Variants in TMA16 observed in about 807,000 individuals in gnomAD.
The protein encoded by TMA16 is translation machinery-associated protein 16.
TMA16 carries 26 observed loss-of-function variants against 27.1 expected under a neutral mutation model. The ratio of observed to expected loss-of-function variants is 0.96; its 90% CI spans 0.70 to 1.33. TMA16 has a LOEUF of 1.33. Ranked by LOEUF, TMA16 falls within the 40% of genes most tolerant of loss-of-function variation. The pLI is 0.00. For missense variants in TMA16, 233 were observed against 241.4 expected (o/e 0.97, Z 0.23); for synonymous variants, 71 against 81.9 (o/e 0.87, Z 0.72).
At chr4:163,498,075 A>G (rs1375244568) in intron 1 of TMA16, among the ~76,000 whole-genome samples, 1 of 152,158 alleles carries the variant, frequency 6.6e-6, no homozygotes, top group Non-Finnish European at 1.5e-5. Context: ...ATGTAAGTAC[A>G]TATAGATCCA....
chr4:163,502,100 T>C (rs555498736), intron 1 of TMA16, among the ~76,000 whole-genome samples: 1 of 152,220 alleles, frequency 6.6e-6, no homozygotes, highest in South Asian at 2.1e-4. Flanking sequence ...GTGTAAAGAG[T>C]GGCAGTAGAG....
intron 1 of TMA16, among the ~76,000 whole-genome samples, chr4:163,497,399 T>C (rs976111032): frequency 1.3e-5 from 2 of 152,256 alleles, no homozygotes; most frequent in African/African-American, 4.8e-5. Context: ...TAGTTTCTTA[T>C]TAACTGCCAT....
Position 163,515,393 on chromosome 4 carries a change from G to C in TMA16, c.320G>C (p.Cys107Ser), listed in dbSNP as rs750443022. The change falls in exon 5 of 7, where the codon TGT (cysteine) becomes TCT (serine). Residue 107 changes from cysteine (C) to serine (S), a missense_variant. Physicochemically the swap from Cys to Ser is moderately radical, Grantham distance 112 (BLOSUM62 -1). Coordinates refer to ENST00000358572, the MANE Select transcript of TMA16 (RefSeq NM_018352.3). ...SIRDRQGRRH[C>S]SRETVIKQTM... The stretch of plus-strand genomic sequence containing the variant: ...AGGGACAGGCAGGGGAGGCGGCACT[G>C]TTCCCGGGAGACCGTCATCAAGCAG... The C allele has an allele frequency of 6.8e-6, 11 of 1,614,128 alleles. No homozygotes were observed. The South Asian group carries it at 9.9e-5, about 14-fold the overall frequency.
intron 4 of TMA16, among the ~76,000 whole-genome samples, chr4:163,514,948 A>G (rs545309057): frequency 6.6e-6 from 1 of 151,972 alleles, no homozygotes; most frequent in East Asian, 1.9e-4. Flanking sequence ...CGTCTGGACA[A>G]CTGTTTCCTG....
chr4:163,520,243 G>A lies in TMA16; in HGVS notation c.*729G>A, dbSNP rs1737951408. The A allele has an allele frequency of 8.3e-6, 2 of 242,222 alleles. No homozygotes were observed. Among genetic ancestry groups the A allele is most frequent in the African/African-American group, 2.2e-5 (1 of 44,652 alleles). The allele number at this position is 242,222 out of a possible 1,614,324, so 15.0% of individuals were successfully genotyped here. A position where few individuals can be genotyped will look rare whatever the true frequency, so the allele number is the denominator to read the frequency against. On this transcript the variant is annotated 3_prime_UTR_variant, in exon 7 of 7. Coordinates refer to ENST00000358572, the MANE Select transcript of TMA16 (RefSeq NM_018352.3). ...GAGAGAGTTGAAGATTAGGGAACCA[G>A]TGATTTTAATTATGCTACTTTTTCT...
In TMA16 at chr4:163,519,603, T is replaced by G; in HGVS notation, c.*89T>G. The G allele has an allele frequency of 2.4e-6, 3 of 1,254,502 alleles. No homozygotes were observed. The highest frequency in any genetic ancestry group is 3.2e-6 in the Non-Finnish European group (3 of 926,190). 77.7% of individuals were successfully genotyped at this position (1,254,502 alleles called of 1,614,324 possible). On this transcript the variant is annotated 3_prime_UTR_variant, in exon 7 of 7. Transcript: ENST00000358572. ...TACCTAATTGTCATGATACAAAAATTTGATACTGACATTCTCTTATATGAT... is the reference window on the plus strand; with the variant it reads ...TACCTAATTGTCATGATACAAAAATGTGATACTGACATTCTCTTATATGAT...
At chr4:163,498,086 C>G (rs1051127241) in intron 1 of TMA16, among the ~76,000 whole-genome samples, 1 of 152,104 alleles carries the variant, frequency 6.6e-6, no homozygotes, top group Admixed American at 6.6e-5. Context: ...TATAGATCCA[C>G]TTCTTGCTTT....
rs760713807 is a variant in TMA16 at position 163,494,764 on chromosome 4, A to C, written c.-38A>C. On this transcript the variant is annotated 5_prime_UTR_variant, in exon 1 of 7. Transcript: ENST00000358572. ...GCGGTTGGTGAGATTACCTGGGTCT[A>C]GAGTGCGGAGCTGCTCCGTGGCCAC... 32 of 1,612,952 alleles carry C rather than the reference A, an allele frequency of 2.0e-5. No homozygotes were observed. The highest frequency in any genetic ancestry group is 2.6e-5 in the Non-Finnish European group (31 of 1,180,004).
At chr4:163,504,995 A>T (rs967082859) in intron 1 of TMA16, among the ~76,000 whole-genome samples, 4 of 152,220 alleles carry the variant, frequency 2.6e-5, no homozygotes, top group African/African-American at 7.2e-5. Flanking sequence ...GAGAGGGGGA[A>T]AGATGGAAGC....
At chr4:163,512,108 A>G (rs1197979394) in intron 2 of TMA16, among the ~76,000 whole-genome samples, 4 of 151,618 alleles carry the variant, frequency 2.6e-5, no homozygotes, top group African/African-American at 9.7e-5. Context: ...CCTAAAACAT[A>G]TGGTAGGTGC....
intron 5 of TMA16, chr4:163,515,824 A>G (rs1737868141): frequency 6.1e-6 from 1 of 164,704 alleles, no homozygotes; most frequent in Admixed American, 6.0e-5. Flanking sequence ...CAGACTTGAC[A>G]TGTCATGAAA....
Position 163,514,105 on chromosome 4 carries a change from T to G in TMA16, c.186T>G (p.Leu62=), listed in dbSNP as rs1311401300. 1 of 1,610,504 alleles carries G rather than the reference T, an allele frequency of 6.2e-7. No individual in the cohort carries two copies. The highest frequency in any genetic ancestry group is 1.1e-5 in the South Asian group (1 of 90,480). The change falls in exon 4 of 7, where the codon CTT becomes CTG. Residue 62 remains leucine, a synonymous_variant. Transcript: ENST00000358572. ...AACTGCAATGGTTTCAAAATCATCTTGATCCCCAAAAAAAGAGATATTCAA... is the reference window on the plus strand; with the variant it reads ...AACTGCAATGGTTTCAAAATCATCTGGATCCCCAAAAAAAGAGATATTCAA... ...GEKLQWFQNH[L]DPQKKRYSKK... is the part of the protein sequence containing the mutation.
chr4:163,496,385 A>C (rs774015329), intron 1 of TMA16, among the ~76,000 whole-genome samples: 7 of 152,222 alleles, frequency 4.6e-5, no homozygotes, highest in Non-Finnish European at 8.8e-5. Context: ...AACTTTAGTT[A>C]TATAAATAGT....
At chr4:163,501,839 T>TA (rs1478074080) in intron 1 of TMA16, among the ~76,000 whole-genome samples, 5 of 152,328 alleles carry the variant, frequency 3.3e-5, no homozygotes, top group African/African-American at 1.2e-4. Flanking sequence ...TCTTGATTTT[T>TA]AGATCTCAGG....
intron 1 of TMA16, among the ~76,000 whole-genome samples, chr4:163,499,518 T>C (rs1331529888): frequency 2.6e-5 from 4 of 152,112 alleles, no homozygotes; most frequent in Non-Finnish European, 4.4e-5. Flanking sequence ...ATTCCTATGC[T>C]TTTTATAGTT....
intron 2 of TMA16, among the ~76,000 whole-genome samples, chr4:163,510,419 A>C (rs1404754743): frequency 1.3e-5 from 2 of 152,048 alleles, no homozygotes; most frequent in East Asian, 1.9e-4. Context: ...GCAGCCACTA[A>C]TTTGCTCTTT....
In TMA16 at chr4:163,520,486, T is replaced by G. The variant is rs1337082376; in HGVS notation, c.*972T>G. ...TAAGCCTTGTTAACAGTTAAAGTAT[T>G]ATAACTTTTTTTACTTCTGAAAATT... On this transcript the variant is annotated 3_prime_UTR_variant, in exon 7 of 7. Transcript: ENST00000358572. 6.6e-6 allele frequency: 1 copy of G among 152,132 alleles called. No individual in the cohort carries two copies. Among genetic ancestry groups the G allele is most frequent in the Non-Finnish European group, 1.5e-5 (1 of 68,010 alleles). 9.4% of individuals were successfully genotyped at this position (152,132 alleles called of 1,614,324 possible). A position where few individuals can be genotyped will look rare whatever the true frequency, so the allele number is the denominator to read the frequency against.
intron 2 of TMA16, among the ~76,000 whole-genome samples, chr4:163,508,517 C>T (rs956442969): frequency 1.3e-5 from 2 of 152,070 alleles, no homozygotes; most frequent in African/African-American, 4.8e-5. Context: ...GAGGCTGAGA[C>T]ATAACTTTTG....
intron 1 of TMA16, among the ~76,000 whole-genome samples, chr4:163,504,160 A>G (rs921640238): frequency 6.6e-6 from 1 of 152,210 alleles, no homozygotes; most frequent in East Asian, 1.9e-4. Flanking sequence ...CAGTTTTAGC[A>G]GCTTCAGAGA....
Sources: gnomAD v4.1 joint callset for allele counts (sites outside exome capture counted in the v4.1 genomes callset) on GRCh38, gnomAD v4.1.1 for gene constraint, MANE v1.5 for transcripts, NCBI Gene and HGNC (gene_info 2026-07-23, HGNC 2026-07-21) for gene names.